Variants in RIMS3 observed in about 807,000 individuals in gnomAD.
RIMS3 encodes regulating synaptic membrane exocytosis protein 3.
RIMS3 carries 15 observed loss-of-function variants against 29.2 expected under a neutral mutation model. The ratio of observed to expected loss-of-function variants is 0.51; its 90% CI spans 0.34 to 0.79. RIMS3 has a LOEUF of 0.79. Ranked by LOEUF, RIMS3 falls within the 30% of genes least tolerant of loss-of-function variation. RIMS3 has a pLI of 0.01. For missense variants in RIMS3, 342 were observed against 421.4 expected (o/e 0.81, Z 1.65); for synonymous variants, 161 against 170.1 (o/e 0.95, Z 0.41).
chr1:40,631,923 C>A (rs1570172623), intron 5 of RIMS3, among the ~76,000 whole-genome samples: 1 of 152,076 alleles, frequency 6.6e-6, no homozygotes, highest in Non-Finnish European at 1.5e-5. Context: ...TTATGGTGAG[C>A]CAAGATTGCG....
At position 40,626,292 on chromosome 1, in the gene RIMS3, C is replaced by T; in HGVS notation, c.*225G>A. 1.7e-6 allele frequency: 1 copy of T among 597,872 alleles called. No homozygotes were observed. The highest frequency in any genetic ancestry group is 3.0e-6 in the Non-Finnish European group (1 of 332,564). 37.0% of individuals were successfully genotyped at this position (597,872 alleles called of 1,614,324 possible). A position where few individuals can be genotyped will look rare whatever the true frequency, so the allele number is the denominator to read the frequency against. ...CATATCATCACCAGGAGTGACTATACCCAGACAAATGAACAGATAGAACGT... is the reference window on the plus strand; with the variant it reads ...CATATCATCACCAGGAGTGACTATATCCAGACAAATGAACAGATAGAACGT... On this transcript the variant is annotated 3_prime_UTR_variant, in exon 8 of 8. Transcript: ENST00000372684.
the RIMS3 span, among the ~76,000 whole-genome samples, chr1:40,674,950 T>C: frequency 1.3e-5 from 2 of 152,126 alleles, no homozygotes; most frequent in Admixed American, 1.3e-4. Flanking sequence ...CGAGGCTTTA[T>C]TGAACCAAGG....
At chr1:40,675,375 C>T in the RIMS3 span, among the ~76,000 whole-genome samples, 24 of 151,836 alleles carry the variant, frequency 1.6e-4, no homozygotes, top group East Asian at 3.9e-3. Context: ...TAATTCCAAC[C>T]GGTTGGGAGG....
intron 1 of RIMS3, among the ~76,000 whole-genome samples, chr1:40,650,863 CAAAAAAAAAAAAAAA>C (rs58578342): frequency 3.1e-5 from 2 of 64,554 alleles, no homozygotes; most frequent in African/African-American, 7.6e-5. Context: ...CAGACTCTGT[CAAAAAAAAAAAAAAA>C]AAAAAAAAAA....
chr1:40,638,588 T>C (rs1340289230), intron 3 of RIMS3, among the ~76,000 whole-genome samples: 3 of 152,198 alleles, frequency 2.0e-5, no homozygotes, highest in Admixed American at 6.5e-5. Flanking sequence ...GCCCTCTCTC[T>C]ACCCTGACCC....
At chr1:40,689,321 G>A in the RIMS3 span, among the ~76,000 whole-genome samples, 9 of 151,984 alleles carry the variant, frequency 5.9e-5, no homozygotes, top group East Asian at 1.9e-4. Context: ...TCACTCTGTC[G>A]CCCAGGCTGG....
At chr1:40,676,035 G>C in the RIMS3 span, among the ~76,000 whole-genome samples, 1 of 152,190 alleles carries the variant, frequency 6.6e-6, no homozygotes, top group Non-Finnish European at 1.5e-5. Context: ...GTAGGTAGAG[G>C]GGGAAGGAGC....
Position 40,633,058 on chromosome 1 carries a change from A to G in RIMS3, c.472+11T>C, listed in dbSNP as rs1317890872. 6.2e-7 allele frequency: 1 copy of G among 1,611,100 alleles called. No homozygotes were observed. Among genetic ancestry groups the G allele is most frequent in the African/African-American group, 1.3e-5 (1 of 74,874 alleles). On this transcript the variant is annotated intron_variant, in intron 5 of 7. Transcript: ENST00000372684. ...CATTACCCCACTCAACCTGCCCTTAATAAGACTCACCCATGGGTGGTGTTG... is the reference window on the plus strand; with the variant it reads ...CATTACCCCACTCAACCTGCCCTTAGTAAGACTCACCCATGGGTGGTGTTG...
At chr1:40,688,984 G>C in the RIMS3 span, among the ~76,000 whole-genome samples, 1 of 152,132 alleles carries the variant, frequency 6.6e-6, no homozygotes, top group Non-Finnish European at 1.5e-5. Flanking sequence ...TTGTAAAAAA[G>C]GTCTTGGCTT....
chr1:40,645,251 G>A (rs1646586994), intron 2 of RIMS3, among the ~76,000 whole-genome samples: 1 of 152,198 alleles, frequency 6.6e-6, no homozygotes, highest in African/African-American at 2.4e-5. Context: ...TTTGGTGGAA[G>A]GTGGGAGAAG....
At chr1:40,656,995 C>T (rs983431877) in intron 1 of RIMS3, among the ~76,000 whole-genome samples, 3 of 152,184 alleles carry the variant, frequency 2.0e-5, no homozygotes, top group East Asian at 1.9e-4. Flanking sequence ...CACAGTGCCC[C>T]GCTAGTGCCC....
intron 5 of RIMS3, among the ~76,000 whole-genome samples, chr1:40,632,421 TATATATATATATA>T (rs1557667058): frequency 9.5e-4 from 6 of 6,316 alleles, no homozygotes; most frequent in African/African-American, 6.3e-3. Context: ...TATAAATTTA[TATATATATATATA>T]TATATATATA....
At chr1:40,689,701 A>G in the RIMS3 span, among the ~76,000 whole-genome samples, 1 of 152,214 alleles carries the variant, frequency 6.6e-6, no homozygotes, top group South Asian at 2.1e-4. Context: ...GGCTTTAGAA[A>G]GGGAAGGGCG....
the RIMS3 span, chr1:40,691,487 G>A: frequency 2.0e-5 from 6 of 305,718 alleles, no homozygotes; most frequent in South Asian, 1.2e-4. Flanking sequence ...AGGTCACTGG[G>A]CAGCGCCTCC....
intron 1 of RIMS3, among the ~76,000 whole-genome samples, chr1:40,659,126 T>C (rs1442162261): frequency 2.0e-5 from 3 of 152,102 alleles, no homozygotes; most frequent in Non-Finnish European, 2.9e-5. Context: ...AGGTAGCAGC[T>C]GAGCCGATTT....
chr1:40,655,175 T>C (rs1642258786), intron 1 of RIMS3, among the ~76,000 whole-genome samples: 2 of 152,112 alleles, frequency 1.3e-5, no homozygotes, highest in Non-Finnish European at 2.9e-5. Context: ...AAGAGGGACC[T>C]ATGAGACTCC....
Position 40,625,147 on chromosome 1 carries a change from A to C in RIMS3, c.*1370T>G, listed in dbSNP as rs1646445670. 1 of 152,470 alleles carries C rather than the reference A, an allele frequency of 6.6e-6. No homozygotes were observed. Among genetic ancestry groups the C allele is most frequent in the African/African-American group, 2.4e-5 (1 of 41,428 alleles). The allele number at this position is 152,470 out of a possible 1,614,324, so 9.4% of individuals were successfully genotyped here. On this transcript the variant is annotated 3_prime_UTR_variant, in exon 8 of 8. Coordinates refer to ENST00000372684, the MANE Select transcript of RIMS3 (RefSeq NM_014747.3). Reference sequence around the variant, plus strand: ...TCCAGTTCAGGCACTGGTCTCCACCAACAGGGCCCAGTTGTCAAATCAAGT... The same window carrying C: ...TCCAGTTCAGGCACTGGTCTCCACCCACAGGGCCCAGTTGTCAAATCAAGT...
the RIMS3 span, among the ~76,000 whole-genome samples, chr1:40,688,471 G>A: frequency 6.6e-6 from 1 of 152,072 alleles, no homozygotes; most frequent in African/African-American, 2.4e-5. Flanking sequence ...CTGGGGGTAG[G>A]GGGTGTCTTG....
rs1570162222 is a variant in RIMS3 at position 40,621,239 on chromosome 1, A to G, written c.*5278T>C. ...ATCCCAGAAGCAGAAATGAGGAAAG[A>G]CCCAGCCTCATCTGCTGTTGGGGAC... On this transcript the variant is annotated 3_prime_UTR_variant, in exon 8 of 8. Transcript: ENST00000372684. The G allele has an allele frequency of 1.3e-5, 2 of 152,238 alleles. No homozygotes were observed. Among genetic ancestry groups the G allele is most frequent in the Non-Finnish European group, 2.9e-5 (2 of 68,058 alleles). 9.4% of individuals were successfully genotyped at this position (152,238 alleles called of 1,614,324 possible).
Sources: gnomAD v4.1 joint callset for allele counts (sites outside exome capture counted in the v4.1 genomes callset) on GRCh38, gnomAD v4.1.1 for gene constraint, MANE v1.5 for transcripts, NCBI Gene and HGNC (gene_info 2026-07-23, HGNC 2026-07-21) for gene names.